Variants in RALYL observed in about 807,000 individuals in gnomAD.
The protein encoded by RALYL is RNA-binding Raly-like protein.
A neutral mutation model predicts 35.1 loss-of-function variants in RALYL; 29 were observed. The ratio of observed to expected loss-of-function variants is 0.83; its 90% CI spans 0.61 to 1.13. The LOEUF (loss-of-function observed/expected upper bound fraction) is 1.13, where lower values mean the gene tolerates loss of function less well. Ranked by LOEUF, RALYL falls within the 50% of genes most tolerant of loss-of-function variation. The probability of loss-of-function intolerance (pLI) is 0.00; values close to 1 mark genes in which losing one functional copy is unlikely to be tolerated. For synonymous variants in RALYL, 120 were observed against 127.6 expected, an observed-to-expected ratio of 0.94 and a Z score of 0.40; for missense variants, 359 against 360.4, an observed-to-expected ratio of 1.00 and a Z score of 0.03.
In RALYL at chr8:84,793,572, G is replaced by A. The variant is rs1042264359; in HGVS notation, c.333-11198G>A. On this transcript the variant is annotated intron_variant, in intron 3 of 8. Transcript: ENST00000521268. ...GATGTAGAATTATAAACCTACATCAGTATAAGATAGATACAGCTCTATAGA... is the reference window on the plus strand; with the variant it reads ...GATGTAGAATTATAAACCTACATCAATATAAGATAGATACAGCTCTATAGA... Among the ~76,000 whole-genome samples the A allele has an allele frequency of 2.0e-5, 3 of 152,146 alleles. No individual in the cohort carries two copies. The East Asian group carries it at 5.8e-4, about 29-fold the overall frequency.
intron 1 of RALYL, among the ~76,000 whole-genome samples, chr8:84,504,878 C>T (rs1202012796): frequency 1.3e-5 from 2 of 152,112 alleles, no homozygotes; most frequent in African/African-American, 2.4e-5. Context: ...TATGTATACT[C>T]TTGGCCCCAG....
intron 1 of RALYL, among the ~76,000 whole-genome samples, chr8:84,496,203 T>C (rs2055999039): frequency 6.6e-6 from 1 of 152,144 alleles, no homozygotes; most frequent in African/African-American, 2.4e-5. Context: ...ATTCAGTTTA[T>C]TGTTTTTCTT....
At chr8:84,504,006 A>G (rs1307011056) in intron 1 of RALYL, among the ~76,000 whole-genome samples, 2 of 152,148 alleles carry the variant, frequency 1.3e-5, no homozygotes, top group Non-Finnish European at 2.9e-5. Context: ...AAAGAAAAAG[A>G]TGACCATACC....
chr8:84,679,075 T>C, intron 2 of RALYL: 1 of 274,872 alleles, frequency 3.6e-6, no homozygotes, highest in Non-Finnish European at 7.3e-6. Context: ...TGAACAATGT[T>C]TACAGGTTGC....
rs200957460 is a variant in RALYL, at chr8:84,412,148, AATG to A, written c.-23-117148_-23-117146del. On this transcript the variant is annotated intron_variant, in intron 1 of 8. Coordinates refer to ENST00000521268, the MANE Select transcript of RALYL (RefSeq NM_173848.7). ...ATTGTGATGTGTGATTTTAAAGGAC[AATG>A]ATAATTATATTACTTATTGTCTAGA... is the stretch of plus-strand genomic sequence containing the variant. 8.1e-4 allele frequency among the ~76,000 whole-genome samples: 123 copies of A among 152,058 alleles called. No homozygotes were observed. The East Asian group carries it at 0.019, about 23-fold the overall frequency.
At position 84,284,172 on chromosome 8, in the gene RALYL, C is replaced by T. The variant is rs190007220; in HGVS notation, c.-24+99748C>T. Among the ~76,000 whole-genome samples, 98 of 152,180 alleles carry T rather than the reference C, an allele frequency of 6.4e-4. 1 individual carries two copies. The South Asian group carries it at 0.011, about 17-fold the overall frequency. On this transcript the variant is annotated intron_variant, in intron 1 of 8. Transcript: ENST00000521268. ...TAAACTCTGGACAAAGAAAATATTG[C>T]GATGAGATGCGGTCTCATTCAATGA...
rs1826763240 is a variant in RALYL, at chr8:84,814,679, G to GAGCATGGAGTTGTGA, written c.365+9879_365+9893dup. Among the ~76,000 whole-genome samples the GAGCATGGAGTTGTGA allele has an allele frequency of 4.6e-5, 7 of 152,254 alleles. No homozygotes were observed. The South Asian group carries it at 1.4e-3, about 32-fold the overall frequency. On this transcript the variant is annotated intron_variant, in intron 4 of 8. Coordinates refer to ENST00000521268, the MANE Select transcript of RALYL (RefSeq NM_173848.7). ...AAGAAGTTATTTCCTTACTGAGAAA[G>GAGCATGGAGTTGTGA]AGCATGGAGTTGTGAAAAGAAGTTG...
chr8:84,210,000 A>G (rs565339943), intron 1 of RALYL, among the ~76,000 whole-genome samples: 1 of 152,270 alleles, frequency 6.6e-6, no homozygotes, highest in Admixed American at 6.5e-5. Context: ...TCTCATATGG[A>G]AAACTCACAC....
chr8:84,228,319 T>A (rs1222795125), intron 1 of RALYL, among the ~76,000 whole-genome samples: 1 of 152,130 alleles, frequency 6.6e-6, no homozygotes, highest in Non-Finnish European at 1.5e-5. Context: ...GACTTTCAAG[T>A]GTGTGAGAGA....
chr8:84,700,201 CA>C (rs1244906330), intron 2 of RALYL, among the ~76,000 whole-genome samples: 9 of 151,750 alleles, frequency 5.9e-5, no homozygotes, highest in African/African-American at 1.9e-4. Context: ...GCAACAAAAG[CA>C]AGAATGCTAA....
intron 2 of RALYL, among the ~76,000 whole-genome samples, chr8:84,619,344 G>A (rs1820687520): frequency 6.6e-6 from 1 of 151,292 alleles, no homozygotes; most frequent in African/African-American, 2.5e-5. Context: ...TTACCATTAT[G>A]TAATGGCCTT....
At position 84,862,328 on chromosome 8, in the gene RALYL, C is replaced by A; in HGVS notation, c.446C>A (p.Pro149His). 1 of 1,596,092 alleles carries A rather than the reference C, an allele frequency of 6.3e-7. No individual in the cohort carries two copies. Among genetic ancestry groups the A allele is most frequent in the Non-Finnish European group, 8.5e-7 (1 of 1,171,854 alleles). Residue 149 changes from proline (P) to histidine (H), a missense_variant, in exon 6 of 9, where the codon CCT becomes CAT. Coordinates refer to ENST00000521268, the MANE Select transcript of RALYL (RefSeq NM_173848.7). The stretch of plus-strand genomic sequence containing the variant: ...GATTACCACGGGCGTGTGCCTCCAC[C>A]TCCCCGTGCAGTAATTCCGCTGAAG... ...LFDYHGRVPP[P>H]PRAVIPLKRP...
chr8:84,706,685 A>G (rs1841274702), intron 2 of RALYL, among the ~76,000 whole-genome samples: 1 of 152,156 alleles, frequency 6.6e-6, no homozygotes, highest in African/African-American at 2.4e-5. Flanking sequence ...GAGCAGCACA[A>G]TTACCCTGGC....
intron 3 of RALYL, 89 bp from the exon 4 acceptor site, chr8:84,804,681 A>G (rs891605688): frequency 5.4e-5 from 31 of 571,728 alleles, no homozygotes; most frequent in East Asian, 1.9e-4. Flanking sequence ...CCAAACAAGT[A>G]TAATAATTTT....
At chr8:84,752,738 A>C (rs189990274) in intron 2 of RALYL, among the ~76,000 whole-genome samples, 14 of 152,268 alleles carry the variant, frequency 9.2e-5, no homozygotes, top group Admixed American at 9.2e-4. Context: ...TGAAAACCAT[A>C]AGCTTTGGCA....
chr8:84,264,937 A>G (rs1433791607), intron 1 of RALYL, among the ~76,000 whole-genome samples: 1 of 152,218 alleles, frequency 6.6e-6, no homozygotes, highest in African/African-American at 2.4e-5. Flanking sequence ...GAAGGAGCTA[A>G]TATGATCTCA....
chr8:84,707,492 A>G (rs141340096), intron 2 of RALYL, among the ~76,000 whole-genome samples: 37 of 152,276 alleles, frequency 2.4e-4, no homozygotes, highest in African/African-American at 8.7e-4. Context: ...CAGAAAAATT[A>G]TACTGAGTGT....
intron 2 of RALYL, among the ~76,000 whole-genome samples, chr8:84,583,624 ACT>A (rs1811341525): frequency 1.3e-5 from 2 of 152,128 alleles, no homozygotes; most frequent in South Asian, 4.1e-4. Context: ...TGCTCAGTAA[ACT>A]CTTTGTATTT....
chr8:84,813,648 C>A (rs1826427020), intron 4 of RALYL, among the ~76,000 whole-genome samples: 1 of 152,198 alleles, frequency 6.6e-6, no homozygotes, highest in Non-Finnish European at 1.5e-5. Context: ...TTGCATACTT[C>A]AGTCCACTGC....
Sources: gnomAD v4.1 joint callset for allele counts (sites outside exome capture counted in the v4.1 genomes callset) on GRCh38, gnomAD v4.1.1 for gene constraint, MANE v1.5 for transcripts, NCBI Gene and HGNC (gene_info 2026-07-23, HGNC 2026-07-21) for gene names.